NRG3: variants seen among roughly 807,000 people sequenced by gnomAD.
NRG3 encodes the protein neuregulin 3.
Under a neutral mutation model 66.9 loss-of-function variants are expected in NRG3, and 31 were observed. The ratio of observed to expected loss-of-function variants is 0.46; its 90% CI spans 0.35 to 0.63. The LOEUF is 0.63. NRG3 is among the 20% of genes least tolerant of loss of function. NRG3 has a pLI of 0.00. For missense variants in NRG3, 910 were observed against 878.9 expected (o/e 1.04, Z -0.45); for synonymous variants, 393 against 359.4 (o/e 1.09, Z -1.06).
intron 2 of NRG3, among the ~76,000 whole-genome samples, chr10:82,477,024 G>A (rs1446828181): frequency 2.0e-5 from 3 of 152,122 alleles, no homozygotes; most frequent in East Asian, 1.9e-4. Context: ...CACTACTTCT[G>A]GGCCAGGGTG....
intron 5 of NRG3, 87 bp downstream of exon 5, chr10:82,951,658 A>G: frequency 8.9e-7 from 1 of 1,126,672 alleles, no homozygotes; most frequent in Non-Finnish European, 1.3e-6. Context: ...TGTGCCACAC[A>G]GAGGGAACCT....
intron 1 of NRG3, among the ~76,000 whole-genome samples, chr10:82,333,265 A>T (rs907208901): frequency 6.6e-6 from 1 of 152,196 alleles, no homozygotes; most frequent in African/African-American, 2.4e-5. Context: ...AATGGCAAAT[A>T]CCCACAAAAT....
intron 1 of NRG3, among the ~76,000 whole-genome samples, chr10:82,299,036 G>A (rs567087947): frequency 2.1e-3 from 313 of 152,234 alleles, no homozygotes; most frequent in Non-Finnish European, 3.3e-3. Flanking sequence ...TCTGACCCTG[G>A]AAGTATATTG....
At chr10:82,711,556 T>C (rs1284356742) in intron 2 of NRG3, among the ~76,000 whole-genome samples, 1 of 151,002 alleles carries the variant, frequency 6.6e-6, no homozygotes, top group African/African-American at 2.5e-5. Flanking sequence ...TGTGTGTGTG[T>C]GTGTGTGTGT....
At chr10:82,067,939 A>G (rs960561008) in intron 1 of NRG3, among the ~76,000 whole-genome samples, 4 of 152,188 alleles carry the variant, frequency 2.6e-5, no homozygotes, top group African/African-American at 9.6e-5. Flanking sequence ...TTATTTTTGT[A>G]ACAATTTATG....
intron 2 of NRG3, among the ~76,000 whole-genome samples, chr10:82,416,666 C>T (rs984392040): frequency 6.6e-6 from 1 of 152,088 alleles, no homozygotes; most frequent in Non-Finnish European, 1.5e-5. Flanking sequence ...CCTTCTCAGC[C>T]TCATATAGCA....
At chr10:82,089,030 G>T (rs1289115709) in intron 1 of NRG3, among the ~76,000 whole-genome samples, 1 of 151,506 alleles carries the variant, frequency 6.6e-6, no homozygotes, top group Non-Finnish European at 1.5e-5. Flanking sequence ...GTATGAAAAT[G>T]AAATGTCAAA....
At chr10:82,132,379 A>T (rs2068890452) in intron 1 of NRG3, among the ~76,000 whole-genome samples, 1 of 148,354 alleles carries the variant, frequency 6.7e-6, no homozygotes, top group South Asian at 2.1e-4. Flanking sequence ...CATCCCTGGA[A>T]TAAATCCCAA....
At chr10:82,651,342 G>A (rs1166028627) in intron 2 of NRG3, among the ~76,000 whole-genome samples, 1 of 152,168 alleles carries the variant, frequency 6.6e-6, no homozygotes. Context: ...TTCCTAATAA[G>A]GGGAAAAGAA....
intron 5 of NRG3, among the ~76,000 whole-genome samples, chr10:82,952,467 CTCTCTGTGTG>C (rs1172770456): frequency 2.7e-5 from 1 of 37,010 alleles, no homozygotes; most frequent in African/African-American, 9.3e-5. Flanking sequence ...CTCTCTCTCT[CTCTCTGTGTG>C]TGTGTGTGTG....
At position 82,397,038 on chromosome 10, in the gene NRG3, C is replaced by T. The variant is rs77978859; in HGVS notation, c.953+38170C>T. ...CTCCAATGTCAGGAGAACTGCCTCT[C>T]CTGTGAGCTTTGTGCCTTCCTGTTG... is the stretch of plus-strand genomic sequence containing the variant. On this transcript the variant is annotated intron_variant, in intron 2 of 8. Transcript: ENST00000372141. 5.5e-3 allele frequency among the ~76,000 whole-genome samples: 834 copies of T among 152,256 alleles called. 24 individuals carry two copies. The highest frequency in any genetic ancestry group is 0.042 in the Admixed American group (648 of 15,284).
In NRG3 at chr10:82,326,498, T is replaced by A. The variant is rs150570228; in HGVS notation, c.824-32241T>A. 1.2e-3 allele frequency among the ~76,000 whole-genome samples: 179 copies of A among 152,278 alleles called. 4 individuals are homozygous for A. The East Asian group carries it at 0.033, about 28-fold the overall frequency. On this transcript the variant is annotated intron_variant, in intron 1 of 8. Coordinates refer to ENST00000372141, the MANE Select transcript of NRG3 (RefSeq NM_001010848.4). Reference sequence around the variant, plus strand: ...TATATTTGAAAATAGCTTTTTGTTCTCATCTTCTTCTGGAACTCTACTTCT... The same window carrying A: ...TATATTTGAAAATAGCTTTTTGTTCACATCTTCTTCTGGAACTCTACTTCT...
At chr10:82,056,682 G>A (rs552671052) in intron 1 of NRG3, among the ~76,000 whole-genome samples, 2 of 152,150 alleles carry the variant, frequency 1.3e-5, no homozygotes, top group South Asian at 2.1e-4. Flanking sequence ...GTCTAGTTGG[G>A]GTTAGCTCTG....
chr10:82,874,436 GAA>G (rs4034897), intron 4 of NRG3, among the ~76,000 whole-genome samples: 49 of 139,964 alleles, frequency 3.5e-4, no homozygotes, highest in African/African-American at 1.1e-3. Flanking sequence ...GACTTATTTG[GAA>G]AAAAAAAAAA....
intron 2 of NRG3, among the ~76,000 whole-genome samples, chr10:82,372,579 G>T (rs2084955601): frequency 6.6e-6 from 1 of 152,036 alleles, no homozygotes; most frequent in African/African-American, 2.4e-5. Flanking sequence ...AAAATTAATT[G>T]TATTAACATT....
chr10:82,943,586 T>A (rs1848752921), intron 4 of NRG3, among the ~76,000 whole-genome samples: 1 of 152,200 alleles, frequency 6.6e-6, no homozygotes, highest in Admixed American at 6.5e-5. Flanking sequence ...AACAAATAGA[T>A]CAACATATTT....
intron 4 of NRG3, among the ~76,000 whole-genome samples, chr10:82,880,401 C>A (rs1842204328): frequency 6.6e-6 from 1 of 152,010 alleles, no homozygotes; most frequent in Admixed American, 6.6e-5. Flanking sequence ...GAAAGTTAGT[C>A]TTTTAAAAAA....
At chr10:82,649,570 A>G (rs2051246091) in intron 2 of NRG3, among the ~76,000 whole-genome samples, 1 of 148,116 alleles carries the variant, frequency 6.8e-6, no homozygotes, top group Non-Finnish European at 1.5e-5. Flanking sequence ...TCCCAGGTTT[A>G]AGCGTCCCTA....
At chr10:82,853,877 G>A (rs1463343846) in intron 3 of NRG3, among the ~76,000 whole-genome samples, 1 of 152,142 alleles carries the variant, frequency 6.6e-6, no homozygotes, top group South Asian at 2.1e-4. Context: ...TCTTGTTCCA[G>A]CTCTCAGGGG....
Sources: allele counts gnomAD v4.1 joint callset (sites outside exome capture counted in the v4.1 genomes callset), GRCh38; gene constraint gnomAD v4.1.1; transcripts MANE v1.5; gene names NCBI Gene and HGNC (gene_info 2026-07-23, HGNC 2026-07-21).